Variants in MYO16 observed in about 807,000 individuals in gnomAD.
MYO16 encodes the protein unconventional myosin-XVI.
In MYO16, 94 loss-of-function variants were observed where a neutral mutation model predicts 205.3. The ratio of observed to expected loss-of-function variants is 0.46; its 90% CI spans 0.39 to 0.54. MYO16 has a LOEUF of 0.54. MYO16 is among the 20% of genes least tolerant of loss of function. MYO16 has a pLI of 0.00. For missense variants in MYO16, 2,315 were observed against 2,387.5 expected, an observed-to-expected ratio of 0.97 and a Z score of 0.63; for synonymous variants, 988 against 954.0, an observed-to-expected ratio of 1.04 and a Z score of -0.66.
At chr13:109,144,026 CTT>C (rs11347920) in intron 32 of MYO16, among the ~76,000 whole-genome samples, 31,966 of 143,738 alleles carry the variant, frequency 0.22, 3,958 homozygotes, top group Non-Finnish European at 0.28. Flanking sequence ...TATAATAATT[CTT>C]TTTTTTTTTT....
At chr13:108,767,210 C>A (rs1594278017) in intron 4 of MYO16, among the ~76,000 whole-genome samples, 1 of 152,264 alleles carries the variant, frequency 6.6e-6, no homozygotes, top group East Asian at 1.9e-4. Flanking sequence ...TCACGCCATT[C>A]TCCTGCCTCA....
chr13:108,506,243 C>CTTAA, the MYO16 span, among the ~76,000 whole-genome samples: 122 of 152,204 alleles, frequency 8.0e-4, 1 homozygote, highest in Non-Finnish European at 1.0e-4. Flanking sequence ...TTGTGTCTTA[C>CTTAA]TTTGGATATT....
At chr13:108,727,657 T>A (rs1418294744) in intron 4 of MYO16, 74 bp downstream of exon 4, 1 of 1,488,874 alleles carries the variant, frequency 6.7e-7, no homozygotes, top group Admixed American at 2.2e-5. Context: ...ACTAATGCTA[T>A]TTTACAATAT....
At chr13:108,903,140 T>C (rs1313377026) in intron 15 of MYO16, among the ~76,000 whole-genome samples, 1 of 152,134 alleles carries the variant, frequency 6.6e-6, no homozygotes, top group African/African-American at 2.4e-5. Context: ...TTCCTTTTAA[T>C]GAAAAGGTGA....
At chr13:108,985,249 T>C (rs113132215) in intron 20 of MYO16, among the ~76,000 whole-genome samples, 35 of 152,260 alleles carry the variant, frequency 2.3e-4, no homozygotes, top group African/African-American at 7.7e-4. Flanking sequence ...TTGTTTGGGT[T>C]TTTTAAAGCT....
At chr13:108,753,370 C>CAAAAAAAAAAAAAAAAAAAAAA (rs534466420) in intron 4 of MYO16, among the ~76,000 whole-genome samples, 19 of 111,768 alleles carry the variant, frequency 1.7e-4, no homozygotes, top group African/African-American at 6.9e-4. Flanking sequence ...AACTCTGTGA[C>CAAAAAAAAAAAAAAAAAAAAAA]AAAAAAAAAA....
chr13:109,197,181 C>A (rs1880195893), intron 34 of MYO16, among the ~76,000 whole-genome samples: 1 of 152,210 alleles, frequency 6.6e-6, no homozygotes, highest in South Asian at 2.1e-4. Context: ...AAGAAACGAG[C>A]ATGGGACCAC....
chr13:108,634,368 C>T (rs1368875511), intron 1 of MYO16, among the ~76,000 whole-genome samples: 1 of 152,180 alleles, frequency 6.6e-6, no homozygotes, highest in Admixed American at 6.5e-5. Context: ...ATTCTGTCTC[C>T]TTCTGCCTCC....
At chr13:108,752,684 C>CAGGCTGG (rs1885275661) in intron 4 of MYO16, among the ~76,000 whole-genome samples, 1 of 150,542 alleles carries the variant, frequency 6.6e-6, no homozygotes, top group Non-Finnish European at 1.5e-5. Context: ...CTCTGCTGCC[C>CAGGCTGG]AGGCTGGAGT....
chr13:108,934,036 A>G (rs1882375269), intron 16 of MYO16, among the ~76,000 whole-genome samples: 1 of 152,060 alleles, frequency 6.6e-6, no homozygotes, highest in Non-Finnish European at 1.5e-5. Flanking sequence ...GGTCTTTGCT[A>G]TTGAGAATAA....
At chr13:108,930,031 T>A (rs892326540) in intron 16 of MYO16, among the ~76,000 whole-genome samples, 2 of 152,200 alleles carry the variant, frequency 1.3e-5, no homozygotes, top group African/African-American at 4.8e-5. Flanking sequence ...ATAAATAACA[T>A]TTTCATAATT....
At chr13:108,790,608 A>C (rs1201761087) in intron 5 of MYO16, among the ~76,000 whole-genome samples, 1 of 152,208 alleles carries the variant, frequency 6.6e-6, no homozygotes, top group Admixed American at 6.5e-5. Context: ...GGAGCATTAA[A>C]GAAATTTGTT....
intron 5 of MYO16, among the ~76,000 whole-genome samples, chr13:108,790,784 C>G (rs972597697): frequency 6.6e-6 from 1 of 152,108 alleles, no homozygotes; most frequent in Admixed American, 6.5e-5. Context: ...TAATAATATT[C>G]CCCTGTGATG....
chr13:109,158,951 C>T (rs903473585), intron 32 of MYO16, among the ~76,000 whole-genome samples: 2 of 152,172 alleles, frequency 1.3e-5, no homozygotes, highest in African/African-American at 4.8e-5. Flanking sequence ...TGTGCCCACT[C>T]CAGTCACCAG....
chr13:109,187,907 T>G (rs1879751884), intron 34 of MYO16, among the ~76,000 whole-genome samples: 1 of 152,204 alleles, frequency 6.6e-6, no homozygotes, highest in South Asian at 2.1e-4. Flanking sequence ...TCTGCTGGCT[T>G]TCTGTGTTCA....
chr13:108,497,775 A>C, the MYO16 span, among the ~76,000 whole-genome samples: 286 of 152,274 alleles, frequency 1.9e-3, 1 homozygote, highest in Non-Finnish European at 3.0e-3. Flanking sequence ...ATGCTTGAAG[A>C]TACAAGCCCC....
intron 15 of MYO16, among the ~76,000 whole-genome samples, chr13:108,898,351 A>AGTGT (rs3042037): frequency 0.049 from 7,044 of 145,006 alleles, 443 homozygotes; most frequent in African/African-American, 0.13. Flanking sequence ...AGGGTGTGTG[A>AGTGT]GTGTGTGTGT....
intron 9 of MYO16, among the ~76,000 whole-genome samples, chr13:108,840,214 A>G (rs1338781765): frequency 1.3e-5 from 2 of 152,332 alleles, no homozygotes; most frequent in Admixed American, 6.5e-5. Context: ...CTAAAACACT[A>G]TAAAACATCA....
chr13:109,175,953 T>TA lies in MYO16; in HGVS notation c.5324-3577dup, dbSNP rs374867993. Among the ~76,000 whole-genome samples the TA allele has an allele frequency of 2.6e-3, 372 of 144,390 alleles. 2 individuals carry two copies. The highest frequency in any genetic ancestry group is 7.0e-3 in the African/African-American group (277 of 39,506). The allele number at this position is 144,390 out of a possible 152,430, so 94.7% of individuals were successfully genotyped here. A position where few individuals can be genotyped will look rare whatever the true frequency, so the allele number is the denominator to read the frequency against. On this transcript the variant is annotated intron_variant, in intron 33 of 34. Transcript: ENST00000457511. ...CTGCGTGAGAAAATCCTTGCTATGT[T>TA]AAAAAAAAAAAAGTTCTTGTCAGTT...
Sources: allele counts gnomAD v4.1 joint callset (sites outside exome capture counted in the v4.1 genomes callset), GRCh38; gene constraint gnomAD v4.1.1; transcripts MANE v1.5; gene names NCBI Gene and HGNC (gene_info 2026-07-23, HGNC 2026-07-21).